CNTLN: variants seen among roughly 807,000 people sequenced by gnomAD.
CNTLN encodes centlein, centrosomal protein.
CNTLN carries 212 observed loss-of-function variants against 180.0 expected under a neutral mutation model. The observed-to-expected ratio is 1.18, with a 90% CI of 1.05 to 1.32. CNTLN has a LOEUF of 1.32. CNTLN is among the 40% of genes most tolerant of loss of function. The probability of loss-of-function intolerance (pLI) is 0.00; values close to 1 mark genes in which losing one functional copy is unlikely to be tolerated. For synonymous variants in CNTLN, 722 were observed against 563.1 expected (o/e 1.28, Z -3.99); for missense variants, 2,095 against 1,610.9 (o/e 1.30, Z -5.14).
chr9:17,437,111 A>T (rs1235013794), intron 18 of CNTLN, among the ~76,000 whole-genome samples: 1 of 152,184 alleles, frequency 6.6e-6, no homozygotes, highest in Non-Finnish European at 1.5e-5. Flanking sequence ...TGTCACTCGG[A>T]TCATGTTCGC....
intron 2 of CNTLN, among the ~76,000 whole-genome samples, chr9:17,178,987 G>C (rs1200595217): frequency 6.8e-6 from 1 of 146,468 alleles, no homozygotes; most frequent in African/African-American, 2.7e-5. Context: ...GCTCACGCCT[G>C]TAATCCCAGC....
At chr9:17,181,028 A>G (rs1229989634) in intron 2 of CNTLN, among the ~76,000 whole-genome samples, 1 of 152,040 alleles carries the variant, frequency 6.6e-6, no homozygotes, top group Non-Finnish European at 1.5e-5. Context: ...CTTGGTATAG[A>G]TTTATTTGAG....
intron 2 of CNTLN, among the ~76,000 whole-genome samples, chr9:17,213,180 C>T (rs1823462995): frequency 6.6e-6 from 1 of 152,140 alleles, no homozygotes; most frequent in Non-Finnish European, 1.5e-5. Flanking sequence ...TGTGCTTTCT[C>T]CTGTGGACAT....
intron 2 of CNTLN, among the ~76,000 whole-genome samples, chr9:17,216,750 T>A (rs80309655): frequency 0.026 from 3,957 of 152,304 alleles, 176 homozygotes; most frequent in African/African-American, 0.089. Context: ...TCTAAAGCAC[T>A]TGGGTTACAC....
chr9:17,211,289 G>C (rs10962905), intron 2 of CNTLN, among the ~76,000 whole-genome samples: 37,421 of 151,918 alleles, frequency 0.25, 5,713 homozygotes, highest in African/African-American at 0.44. Context: ...GCCAGTTTTC[G>C]CAGCACCATT....
At position 17,140,581 on chromosome 9, in the gene CNTLN, C is replaced by T. The variant is rs10962883; in HGVS notation, c.361-2707C>T. ...TCAGTCTCCTGAGTAGCTGGAACTA[C>T]AGGCGTATTCCACTATGGCTAGCTA... On this transcript the variant is annotated intron_variant, in intron 1 of 25. Coordinates refer to ENST00000380647, the MANE Select transcript of CNTLN (RefSeq NM_017738.4). 6.2e-3 allele frequency among the ~76,000 whole-genome samples: 941 copies of T among 152,216 alleles called. 3 individuals are homozygous for T. The highest frequency in any genetic ancestry group is 0.014 in the East Asian group (74 of 5,158).
chr9:17,135,459 C>T, intron 1 of CNTLN, 34 bp downstream of exon 1: 1 of 1,567,770 alleles, frequency 6.4e-7, no homozygotes, highest in Non-Finnish European at 8.6e-7. Context: ...CCTTTCCCCA[C>T]CACAGCGGGG....
At chr9:17,199,317 T>G (rs994381386) in intron 2 of CNTLN, among the ~76,000 whole-genome samples, 5 of 146,280 alleles carry the variant, frequency 3.4e-5, no homozygotes, top group Non-Finnish European at 6.0e-5. Flanking sequence ...GTTCAAGCAA[T>G]TCTCCTGCCT....
chr9:17,444,940 T>A (rs1487255868), intron 18 of CNTLN, among the ~76,000 whole-genome samples: 1 of 152,094 alleles, frequency 6.6e-6, no homozygotes, highest in Non-Finnish European at 1.5e-5. Context: ...ACTTTGCAAA[T>A]CTCTTTTTTC....
rs200287751 is a variant in CNTLN, at chr9:17,484,340, C to A, written c.3901C>A (p.Gln1301Lys). Residue 1301 changes from glutamine (Q) to lysine (K), a missense_variant, in exon 24 of 26, where the codon CAA becomes AAA. Transcript: ENST00000380647. ...LQNDVHVVRRQIRELKKMKKN... is the reference protein window; with the variant it reads ...LQNDVHVVRRKIRELKKMKKN... Reference sequence around the variant, plus strand: ...AAATGATGTCCATGTGGTAAGGCGACAAATAAGAGAGCTTAAAAAAATGAA... The same window carrying A: ...AAATGATGTCCATGTGGTAAGGCGAAAAATAAGAGAGCTTAAAAAAATGAA... 2.8e-5 allele frequency: 45 copies of A among 1,610,170 alleles called. No homozygotes were observed. Among genetic ancestry groups the A allele is most frequent in the Non-Finnish European group, 3.7e-5 (44 of 1,178,820 alleles).
At chr9:17,342,471 C>A in intron 12 of CNTLN, 27 bp downstream of exon 12, 1 of 1,572,256 alleles carries the variant, frequency 6.4e-7, no homozygotes, top group Non-Finnish European at 8.6e-7. Flanking sequence ...ACAATATGGA[C>A]TTAGATAAAA....
the CNTLN span, among the ~76,000 whole-genome samples, chr9:17,512,408 T>C: frequency 6.6e-6 from 1 of 152,198 alleles, no homozygotes; most frequent in African/African-American, 2.4e-5. Flanking sequence ...CTAAATGAAT[T>C]ACTGCAGGAA....
At chr9:17,249,486 C>T (rs1417453185) in intron 5 of CNTLN, among the ~76,000 whole-genome samples, 1 of 151,528 alleles carries the variant, frequency 6.6e-6, no homozygotes, top group Non-Finnish European at 1.5e-5. Flanking sequence ...GTAGCTGGGA[C>T]TACAGGTGCC....
At chr9:17,492,884 A>G (rs576906555) in intron 25 of CNTLN, among the ~76,000 whole-genome samples, 1 of 152,188 alleles carries the variant, frequency 6.6e-6, no homozygotes, top group Non-Finnish European at 1.5e-5. Context: ...GTTTATGCAT[A>G]CAGTTTATTA....
intron 18 of CNTLN, among the ~76,000 whole-genome samples, chr9:17,440,855 A>G (rs1830066650): frequency 6.6e-6 from 1 of 152,208 alleles, no homozygotes; most frequent in Non-Finnish European, 1.5e-5. Flanking sequence ...CATATACAGT[A>G]TGATTCTACT....
intron 15 of CNTLN, among the ~76,000 whole-genome samples, chr9:17,395,967 T>G (rs1327901515): frequency 1.3e-5 from 2 of 152,184 alleles, no homozygotes; most frequent in Non-Finnish European, 2.9e-5. Context: ...AAGACCTTGC[T>G]GATAAAACAG....
intron 12 of CNTLN, among the ~76,000 whole-genome samples, chr9:17,353,165 AG>A (rs1325677837): frequency 6.6e-6 from 1 of 151,994 alleles, no homozygotes; most frequent in Non-Finnish European, 1.5e-5. Flanking sequence ...TTTGTTGCCT[AG>A]GCTAGTCTTG....
At chr9:17,301,028 G>A (rs1818307625) in intron 7 of CNTLN, 1 of 985,020 alleles carries the variant, frequency 1.0e-6, no homozygotes, top group African/African-American at 1.7e-5. Context: ...GTAGTAGAGG[G>A]AAATATGGGA....
downstream of CNTLN, among the ~76,000 whole-genome samples, chr9:17,508,884 ATT>A (rs1459948225): frequency 1.3e-5 from 2 of 152,240 alleles, no homozygotes; most frequent in Non-Finnish European, 2.9e-5. Flanking sequence ...TGATTGAAAA[ATT>A]GGTTACAATG....
Sources: allele counts gnomAD v4.1 joint callset (sites outside exome capture counted in the v4.1 genomes callset), GRCh38; gene constraint gnomAD v4.1.1; transcripts MANE v1.5; gene names NCBI Gene and HGNC (gene_info 2026-07-23, HGNC 2026-07-21).